The following GAS7 variants were observed in gnomAD, a reference collection of about 807,000 sequenced individuals.
GAS7 encodes growth arrest-specific protein 7.
In GAS7, 28 loss-of-function variants were observed where a neutral mutation model predicts 71.1. That is an observed-to-expected ratio of 0.39 (90% CI 0.29 to 0.54). GAS7 has a LOEUF of 0.54. Among genes scored for constraint, GAS7 ranks in the 20% least tolerant of loss-of-function variants. The pLI is 0.62. For missense variants in GAS7, 436 were observed against 627.8 expected, an observed-to-expected ratio of 0.69 and a Z score of 3.27; for synonymous variants, 258 against 245.8, an observed-to-expected ratio of 1.05 and a Z score of -0.46.
At chr17:10,094,594 A>G (rs1276181752) in intron 1 of GAS7, among the ~76,000 whole-genome samples, 1 of 151,836 alleles carries the variant, frequency 6.6e-6, no homozygotes, top group Non-Finnish European at 1.5e-5. Context: ...TCAGACTCCC[A>G]AGTAGCTGAG....
At chr17:10,005,050 T>TATATATATATATAC (rs1296844463) in intron 2 of GAS7, among the ~76,000 whole-genome samples, 4 of 150,158 alleles carry the variant, frequency 2.7e-5, no homozygotes, top group African/African-American at 1.0e-4. Flanking sequence ...TACATATATA[T>TATATATATATATAC]ACACATATAT....
chr17:10,061,032 G>C (rs140722191), intron 1 of GAS7, among the ~76,000 whole-genome samples: 5 of 152,258 alleles, frequency 3.3e-5, no homozygotes, highest in African/African-American at 1.2e-4. Context: ...GCTAGAGAGT[G>C]GCCTTGGCTG....
chr17:9,992,135 C>T (rs944533185), intron 2 of GAS7, among the ~76,000 whole-genome samples: 12 of 152,118 alleles, frequency 7.9e-5, no homozygotes, highest in South Asian at 2.1e-4. Flanking sequence ...CATAGCAGGA[C>T]GGTCACGGAA....
intron 1 of GAS7, among the ~76,000 whole-genome samples, chr17:10,174,995 G>A (rs2074362620): frequency 6.6e-6 from 1 of 152,024 alleles, no homozygotes; most frequent in African/African-American, 2.4e-5. Context: ...ACACGTGCAT[G>A]CCACCACGCC....
At chr17:9,979,840 C>T (rs1018560768) in intron 3 of GAS7, among the ~76,000 whole-genome samples, 21 of 150,724 alleles carry the variant, frequency 1.4e-4, no homozygotes, top group African/African-American at 5.1e-4. Context: ...TTGCGTCATT[C>T]GCACTGGCAT....
At chr17:10,150,642 G>A (rs1474432317) in intron 1 of GAS7, among the ~76,000 whole-genome samples, 1 of 137,498 alleles carries the variant, frequency 7.3e-6, no homozygotes, top group Non-Finnish European at 1.5e-5. Context: ...AGACTGGAGT[G>A]CAGTGGCACG....
chr17:10,176,387 G>GTC (rs1482505046), intron 1 of GAS7, among the ~76,000 whole-genome samples: 1 of 152,112 alleles, frequency 6.6e-6, no homozygotes, highest in Non-Finnish European at 1.5e-5. Context: ...CCTGCACAGC[G>GTC]TCTCTTAGCA....
chr17:10,019,041 G>T (rs2072155747), intron 2 of GAS7, among the ~76,000 whole-genome samples: 1 of 152,120 alleles, frequency 6.6e-6, no homozygotes, highest in Admixed American at 6.6e-5. Flanking sequence ...CTGCAACAGT[G>T]CCCTTTGCTC....
rs184437998 is a variant in GAS7 at position 10,116,734 on chromosome 17, C to T, written c.183+81474G>A. Among the ~76,000 whole-genome samples the T allele has an allele frequency of 7.2e-4, 109 of 152,274 alleles. 2 individuals carry two copies. Among genetic ancestry groups the T allele is most frequent in the Non-Finnish European group, 1.2e-3 (83 of 68,008 alleles). On this transcript the variant is annotated intron_variant, in intron 1 of 13. Coordinates refer to ENST00000432992, the MANE Select transcript of GAS7 (RefSeq NM_201433.2). ...ACAGGTTTCTTGAACACCTCTTATA[C>T]ACCAGACGCAGGTTTCGACACTGGG...
chr17:10,056,653 C>A (rs187329631), intron 1 of GAS7, among the ~76,000 whole-genome samples: 1 of 151,974 alleles, frequency 6.6e-6, no homozygotes, highest in Non-Finnish European at 1.5e-5. Flanking sequence ...AGGTGGATCA[C>A]GAGGTCAGGA....
intron 1 of GAS7, among the ~76,000 whole-genome samples, chr17:10,023,503 A>AT (rs889635339): frequency 3.9e-5 from 6 of 152,002 alleles, no homozygotes; most frequent in African/African-American, 1.5e-4. Flanking sequence ...TTATTCAGAA[A>AT]TTAAAAAAAA....
intron 1 of GAS7, among the ~76,000 whole-genome samples, chr17:10,054,284 A>G (rs1020887539): frequency 6.6e-6 from 1 of 152,096 alleles, no homozygotes; most frequent in Non-Finnish European, 1.5e-5. Context: ...GAATAATGGC[A>G]ACTGTTCCAC....
rs989346698 is a variant in GAS7 at position 9,959,801 on chromosome 17, G to A, written c.472-546C>T. Reference sequence around the variant, plus strand: ...CCCGTGAGCCAGGAGGGATTTCTCAGCCAAACCGACTTCCAGCTTCCACTC... The same window carrying A: ...CCCGTGAGCCAGGAGGGATTTCTCAACCAAACCGACTTCCAGCTTCCACTC... On this transcript the variant is annotated intron_variant, in intron 4 of 13. Transcript: ENST00000432992. The surrounding 1 kb of genome is among the most constrained non-coding windows in gnomAD (Gnocchi z 5.0). Among the ~76,000 whole-genome samples, 4 of 151,990 alleles carry A rather than the reference G, an allele frequency of 2.6e-5. No individual in the cohort carries two copies. The highest frequency in any genetic ancestry group is 9.7e-5 in the African/African-American group (4 of 41,322).
At position 9,916,228 on chromosome 17, in the gene GAS7, T is replaced by C. The variant is rs1432456487; in HGVS notation, c.*1000A>G. 4 of 232,852 alleles carry C rather than the reference T, an allele frequency of 1.7e-5. No homozygotes were observed. Among genetic ancestry groups the C allele is most frequent in the Non-Finnish European group, 2.5e-5 (3 of 117,898 alleles). 14.4% of individuals were successfully genotyped at this position (232,852 alleles called of 1,614,324 possible). A position where few individuals can be genotyped will look rare whatever the true frequency, so the allele number is the denominator to read the frequency against. On this transcript the variant is annotated 3_prime_UTR_variant, in exon 14 of 14. Transcript: ENST00000432992. The stretch of plus-strand genomic sequence containing the variant: ...GACTTGCCCTAACCCATCTCACATG[T>C]AGGACTGACCCGGCCCCATTAAGAG...
chr17:10,000,001 C>T (rs894831941), intron 2 of GAS7, among the ~76,000 whole-genome samples: 6 of 152,102 alleles, frequency 3.9e-5, no homozygotes, highest in Admixed American at 1.3e-4. Flanking sequence ...GCTTCTCAAA[C>T]GTCAGAGCGC....
intron 5 of GAS7, chr17:9,958,849 C>T (rs2069356420): frequency 3.6e-5 from 14 of 393,504 alleles, no homozygotes; most frequent in Non-Finnish European, 4.6e-5. Flanking sequence ...GCAACCCTGC[C>T]GTGGCTGTAA....
chr17:10,003,673 A>G (rs562873338), intron 2 of GAS7, among the ~76,000 whole-genome samples: 1 of 152,228 alleles, frequency 6.6e-6, no homozygotes, highest in Non-Finnish European at 1.5e-5. Flanking sequence ...TTCATGCCAC[A>G]GAAATATCCA....
chr17:10,158,348 A>AAAAAAAAC (rs1567614082), intron 1 of GAS7, among the ~76,000 whole-genome samples: 13 of 146,240 alleles, frequency 8.9e-5, no homozygotes, highest in Non-Finnish European at 1.2e-4. Flanking sequence ...AAAAAAAAAA[A>AAAAAAAAC]AAAAAAAAAA....
intron 1 of GAS7, among the ~76,000 whole-genome samples, chr17:10,126,660 T>C (rs541149414): frequency 6.6e-6 from 1 of 152,170 alleles, no homozygotes; most frequent in African/African-American, 2.4e-5. Context: ...TCTCTCAAGA[T>C]CTTCCTCCTG....
Sources: gnomAD v4.1 joint callset for allele counts (sites outside exome capture counted in the v4.1 genomes callset) on GRCh38, gnomAD v4.1.1 for gene constraint, Gnocchi (gnomAD v3.1) non-coding constraint, MANE v1.5 for transcripts, NCBI Gene and HGNC (gene_info 2026-07-23, HGNC 2026-07-21) for gene names.